The following CDH13 variants were observed in gnomAD, a reference collection of about 807,000 sequenced individuals.
CDH13 encodes cadherin-13.
A neutral mutation model predicts 63.8 loss-of-function variants in CDH13; 24 were observed. The observed-to-expected ratio is 0.38, with a 90% CI of 0.27 to 0.53. The LOEUF (loss-of-function observed/expected upper bound fraction) is 0.53. CDH13 is among the 20% of genes least tolerant of loss of function. The pLI is 0.85. For missense variants in CDH13, 1,049 were observed against 903.1 expected (o/e 1.16, Z -2.07); for synonymous variants, 503 against 355.3 (o/e 1.42, Z -4.67).
At chr16:83,403,906 G>A (rs754556074) in intron 6 of CDH13, among the ~76,000 whole-genome samples, 24 of 152,142 alleles carry the variant, frequency 1.6e-4, no homozygotes, top group Non-Finnish European at 2.6e-4. Context: ...TGAAATGTTC[G>A]GGCATGACTA....
At chr16:83,267,576 T>A (rs1487072572) in intron 5 of CDH13, among the ~76,000 whole-genome samples, 1 of 152,162 alleles carries the variant, frequency 6.6e-6, no homozygotes, top group Non-Finnish European at 1.5e-5. Context: ...AATAGATGAA[T>A]GCTGTTATCT....
At chr16:82,847,313 G>T (rs2039303362) in intron 1 of CDH13, among the ~76,000 whole-genome samples, 1 of 152,170 alleles carries the variant, frequency 6.6e-6, no homozygotes, top group Non-Finnish European at 1.5e-5. Context: ...GGCTTCACTG[G>T]ACTAAAATCA....
chr16:83,526,323 G>C (rs140494877), intron 7 of CDH13, among the ~76,000 whole-genome samples: 113 of 152,250 alleles, frequency 7.4e-4, no homozygotes, highest in African/African-American at 2.6e-3. Context: ...TCAATCAATA[G>C]TCCGCAACCT....
At chr16:82,972,917 C>A (rs559352710) in intron 2 of CDH13, among the ~76,000 whole-genome samples, 4 of 152,144 alleles carry the variant, frequency 2.6e-5, no homozygotes, top group African/African-American at 7.2e-5. Context: ...AATGAACCCT[C>A]GTAGGCGTCT....
intron 10 of CDH13, among the ~76,000 whole-genome samples, chr16:83,704,472 C>G (rs1906711008): frequency 6.6e-6 from 1 of 152,088 alleles, no homozygotes; most frequent in Non-Finnish European, 1.5e-5. Context: ...TTGCAGTGTA[C>G]CCAGTGAGTG....
intron 3 of CDH13, among the ~76,000 whole-genome samples, chr16:83,075,179 C>T (rs72796248): frequency 6.6e-6 from 1 of 152,122 alleles, no homozygotes; most frequent in South Asian, 2.1e-4. Flanking sequence ...CATGAATGCA[C>T]CCTTTATTGG....
intron 5 of CDH13, among the ~76,000 whole-genome samples, chr16:83,318,249 T>C (rs973494396): frequency 1.3e-5 from 2 of 152,230 alleles, no homozygotes; most frequent in Admixed American, 6.5e-5. Context: ...TGTGTTTTCC[T>C]GAGTGTGGGT....
At chr16:83,288,318 C>T (rs1026296586) in intron 5 of CDH13, among the ~76,000 whole-genome samples, 8 of 152,136 alleles carry the variant, frequency 5.3e-5, no homozygotes, top group African/African-American at 1.7e-4. Context: ...CAATCTTGTT[C>T]CATGGTGTCT....
chr16:82,660,460 G>A (rs1434125196), intron 1 of CDH13, among the ~76,000 whole-genome samples: 1 of 152,182 alleles, frequency 6.6e-6, no homozygotes, highest in Non-Finnish European at 1.5e-5. Flanking sequence ...AAACCCAAGA[G>A]GGAGCACCAG....
At chr16:82,664,438 G>C (rs1285262606) in intron 1 of CDH13, among the ~76,000 whole-genome samples, 1 of 152,222 alleles carries the variant, frequency 6.6e-6, no homozygotes, top group African/African-American at 2.4e-5. Flanking sequence ...CACAGCAGTG[G>C]GGGCTCAGTT....
intron 2 of CDH13, among the ~76,000 whole-genome samples, chr16:83,023,586 G>A (rs1915540835): frequency 6.6e-6 from 1 of 152,106 alleles, no homozygotes; most frequent in Admixed American, 6.6e-5. Context: ...GTCATTCTGA[G>A]CCACCCAGGA....
At chr16:83,467,609 C>G (rs1196799057) in intron 6 of CDH13, among the ~76,000 whole-genome samples, 1 of 152,190 alleles carries the variant, frequency 6.6e-6, no homozygotes, top group Admixed American at 6.5e-5. Flanking sequence ...GAAACTGACG[C>G]TGAAACTTTC....
intron 7 of CDH13, among the ~76,000 whole-genome samples, chr16:83,534,689 T>C (rs1020410211): frequency 6.6e-6 from 1 of 152,248 alleles, no homozygotes; most frequent in Non-Finnish European, 1.5e-5. Flanking sequence ...TTCCACTGTA[T>C]GGATAGGCCA....
intron 2 of CDH13, among the ~76,000 whole-genome samples, chr16:82,961,844 G>A (rs546070229): frequency 1.4e-4 from 21 of 152,262 alleles, no homozygotes; most frequent in East Asian, 7.7e-4. Context: ...GGGGGCTGCC[G>A]TTGGCTTCTA....
chr16:83,296,017 A>G (rs1412157630), intron 5 of CDH13, among the ~76,000 whole-genome samples: 3 of 152,212 alleles, frequency 2.0e-5, no homozygotes, highest in African/African-American at 7.2e-5. Flanking sequence ...TCAGAGAAAT[A>G]AACTCTGGTC....
chr16:82,770,684 A>G (rs1465375794), intron 1 of CDH13, among the ~76,000 whole-genome samples: 1 of 152,148 alleles, frequency 6.6e-6, no homozygotes, highest in Non-Finnish European at 1.5e-5. Flanking sequence ...TTAGTTCAGT[A>G]TTATTGTGGC....
intron 4 of CDH13, among the ~76,000 whole-genome samples, chr16:83,159,574 CAT>C (rs2037357941): frequency 1.3e-5 from 2 of 152,094 alleles, no homozygotes; most frequent in African/African-American, 4.8e-5. Flanking sequence ...ATTTTGAGCA[CAT>C]GTTAACATAG....
At chr16:83,658,206 T>A (rs1676696055) in intron 8 of CDH13, among the ~76,000 whole-genome samples, 1 of 142,144 alleles carries the variant, frequency 7.0e-6, no homozygotes, top group African/African-American at 2.6e-5. Flanking sequence ...CAAGGTCTCA[T>A]GTCCTCACCA....
At chr16:83,421,335 T>A (rs2071708540) in intron 6 of CDH13, among the ~76,000 whole-genome samples, 1 of 152,222 alleles carries the variant, frequency 6.6e-6, no homozygotes, top group Non-Finnish European at 1.5e-5. Context: ...TAAATGTAAT[T>A]AATTCATATA....
Sources: allele counts gnomAD v4.1 joint callset (sites outside exome capture counted in the v4.1 genomes callset), GRCh38; gene constraint gnomAD v4.1.1; transcripts MANE v1.5; gene names NCBI Gene and HGNC (gene_info 2026-07-23, HGNC 2026-07-21).